Variants in SLC24A2 observed in about 807,000 individuals in gnomAD.
SLC24A2 encodes the protein sodium/potassium/calcium exchanger 2.
A neutral mutation model predicts 62.0 loss-of-function variants in SLC24A2; 36 were observed. That is an observed-to-expected ratio of 0.58 (90% CI 0.44 to 0.77). SLC24A2 has a LOEUF of 0.77. Ranked by LOEUF, SLC24A2 falls within the 30% of genes least tolerant of loss-of-function variation. SLC24A2 has a pLI of 0.00. For synonymous variants in SLC24A2, 358 were observed against 294.0 expected (o/e 1.22, Z -2.23); for missense variants, 846 against 817.9 (o/e 1.03, Z -0.42).
intron 2 of SLC24A2, among the ~76,000 whole-genome samples, chr9:19,718,864 T>C (rs1157050182): frequency 1.2e-4 from 18 of 152,318 alleles, no homozygotes; most frequent in Admixed American, 9.1e-4. Context: ...CCCTCATGAC[T>C]CTCTCTGAAT....
chr9:20,178,833 T>G, the SLC24A2 span, among the ~76,000 whole-genome samples: 1 of 151,696 alleles, frequency 6.6e-6, no homozygotes. Context: ...ACATTTAGAG[T>G]TTTTAAAGAA....
At chr9:20,063,501 G>C in the SLC24A2 span, among the ~76,000 whole-genome samples, 1 of 115,778 alleles carries the variant, frequency 8.6e-6, no homozygotes, top group Non-Finnish European at 1.7e-5. Flanking sequence ...GTGGGGTGGG[G>C]GGAGGGGGGA....
chr9:19,731,487 G>C lies in SLC24A2; in HGVS notation c.930+54450C>G, dbSNP rs561331868. Among the ~76,000 whole-genome samples, 65 of 144,942 alleles carry C rather than the reference G, an allele frequency of 4.5e-4. No homozygotes were observed. In the South Asian group the frequency reaches 0.013, roughly 30 times the overall value. On this transcript the variant is annotated intron_variant, in intron 2 of 10. Transcript: ENST00000341998. ...TGTCCCTATAAAAAGAGACACTTAA[G>C]AACACTTGTTTCTCTCTCTCTCTCT...
At chr9:20,111,618 A>G in the SLC24A2 span, among the ~76,000 whole-genome samples, 1 of 152,176 alleles carries the variant, frequency 6.6e-6, no homozygotes, top group African/African-American at 2.4e-5. Flanking sequence ...TTAGAAATGT[A>G]GACTCCTGGG....
the SLC24A2 span, among the ~76,000 whole-genome samples, chr9:20,273,481 T>C: frequency 2.6e-5 from 4 of 152,172 alleles, no homozygotes; most frequent in Admixed American, 6.5e-5. Context: ...TGGGAGATGA[T>C]TGAATCATGG....
intron 2 of SLC24A2, among the ~76,000 whole-genome samples, chr9:19,756,652 G>A (rs368774849): frequency 2.0e-5 from 3 of 152,204 alleles, no homozygotes; most frequent in East Asian, 1.9e-4. Context: ...CCTTTGAGAA[G>A]CACTACTGAT....
chr9:20,095,720 T>A, the SLC24A2 span, among the ~76,000 whole-genome samples: 3 of 151,992 alleles, frequency 2.0e-5, no homozygotes, highest in Non-Finnish European at 4.4e-5. Flanking sequence ...TAGTTCGTTT[T>A]CATGCTGTTA....
chr9:20,242,081 G>C, the SLC24A2 span, among the ~76,000 whole-genome samples: 28,649 of 152,090 alleles, frequency 0.19, 2,835 homozygotes, highest in Middle Eastern at 0.22. Flanking sequence ...TAACGCGCCA[G>C]CAGGTGCTGG....
the SLC24A2 span, among the ~76,000 whole-genome samples, chr9:20,235,889 T>C: frequency 5.8e-4 from 67 of 114,818 alleles, no homozygotes; most frequent in African/African-American, 2.4e-3. Context: ...ATTTCTTTCT[T>C]TTTTTAAAAT....
At chr9:20,088,182 G>T in the SLC24A2 span, among the ~76,000 whole-genome samples, 1 of 152,232 alleles carries the variant, frequency 6.6e-6, no homozygotes, top group Non-Finnish European at 1.5e-5. Flanking sequence ...TGAATCCAGG[G>T]GCTGAGCAGC....
At chr9:19,976,437 A>ACT in the SLC24A2 span, among the ~76,000 whole-genome samples, 6 of 151,202 alleles carry the variant, frequency 4.0e-5, no homozygotes, top group African/African-American at 1.2e-4. Context: ...TTCCTGCTTC[A>ACT]CTCTCTCTCT....
In SLC24A2 at chr9:19,516,436, G is replaced by A; in HGVS notation, c.1737-34C>T. ...AAGTGAAGCAGGGCAGAGGGGAGTG[G>A]GAAGACAAGGGAGTAGTCAGACACG... On this transcript the variant is annotated intron_variant, in intron 10 of 10. Transcript: ENST00000341998. The A allele has an allele frequency of 2.5e-6, 4 of 1,610,520 alleles. No individual in the cohort carries two copies. The South Asian group carries it at 4.4e-5, about 18-fold the overall frequency.
chr9:19,608,452 C>A (rs1837052096), intron 4 of SLC24A2, among the ~76,000 whole-genome samples: 1 of 152,036 alleles, frequency 6.6e-6, no homozygotes, highest in African/African-American at 2.4e-5. Context: ...GTGTTAAAGA[C>A]TTGGAAAGCC....
At chr9:19,859,009 A>G in the SLC24A2 span, among the ~76,000 whole-genome samples, 1 of 152,142 alleles carries the variant, frequency 6.6e-6, no homozygotes, top group Non-Finnish European at 1.5e-5. Context: ...TATATACACA[A>G]AGGAATATAA....
chr9:20,270,033 C>T, the SLC24A2 span, among the ~76,000 whole-genome samples: 3 of 152,096 alleles, frequency 2.0e-5, no homozygotes, highest in Admixed American at 6.5e-5. Flanking sequence ...GGGAAGCAGA[C>T]GTGTGAAGAG....
chr9:19,758,890 AGTC>A (rs1174504831), intron 2 of SLC24A2, among the ~76,000 whole-genome samples: 1 of 152,164 alleles, frequency 6.6e-6, no homozygotes, highest in African/African-American at 2.4e-5. Flanking sequence ...ACTAAGGTAA[AGTC>A]GTCTGTTCTC....
At chr9:20,173,663 A>G in the SLC24A2 span, among the ~76,000 whole-genome samples, 1 of 152,122 alleles carries the variant, frequency 6.6e-6, no homozygotes, top group African/African-American at 2.4e-5. Flanking sequence ...GACTTCTACA[A>G]GGAAAACTAC....
chr9:19,830,258 A>G, the SLC24A2 span, among the ~76,000 whole-genome samples: 6 of 152,310 alleles, frequency 3.9e-5, 1 homozygote, highest in African/African-American at 1.2e-4. Context: ...ATGTCAGGAT[A>G]TCCTTGCCCC....
the SLC24A2 span, among the ~76,000 whole-genome samples, chr9:19,823,150 G>A: frequency 6.6e-6 from 1 of 152,054 alleles, no homozygotes; most frequent in Non-Finnish European, 1.5e-5. Context: ...GTAAGTATGG[G>A]CTATCTTAGC....
Sources: gnomAD v4.1 joint callset for allele counts (sites outside exome capture counted in the v4.1 genomes callset) on GRCh38, gnomAD v4.1.1 for gene constraint, MANE v1.5 for transcripts, NCBI Gene and HGNC (gene_info 2026-07-23, HGNC 2026-07-21) for gene names.